TBC1D22A: variants seen among roughly 807,000 people sequenced by gnomAD.
TBC1D22A encodes TBC1 domain family member 22A.
A neutral mutation model predicts 60.2 loss-of-function variants in TBC1D22A; 38 were observed. The observed-to-expected ratio is 0.63, with a 90% CI of 0.49 to 0.83. The LOEUF (loss-of-function observed/expected upper bound fraction) is 0.83, where lower values mean the gene tolerates loss of function less well. TBC1D22A is among the 40% of genes least tolerant of loss of function. The pLI, the probability that TBC1D22A is intolerant of heterozygous loss-of-function variation, is 0.00. For synonymous variants in TBC1D22A, 302 were observed against 281.7 expected (o/e 1.07, Z -0.72); for missense variants, 628 against 701.0 (o/e 0.90, Z 1.18).
At chr22:46,964,728 TAGAG>T (rs923948814) in intron 8 of TBC1D22A, among the ~76,000 whole-genome samples, 7 of 152,170 alleles carry the variant, frequency 4.6e-5, no homozygotes, top group African/African-American at 9.7e-5. Context: ...CTGGATGTAA[TAGAG>T]AGGGAGGAGT....
At chr22:46,936,471 A>G (rs1602553768) in intron 8 of TBC1D22A, among the ~76,000 whole-genome samples, 2 of 152,296 alleles carry the variant, frequency 1.3e-5, no homozygotes, top group South Asian at 4.1e-4. Context: ...TACATAGCAC[A>G]TCTCTTTAAT....
At chr22:46,957,477 A>T (rs1470966324) in intron 8 of TBC1D22A, among the ~76,000 whole-genome samples, 1 of 152,252 alleles carries the variant, frequency 6.6e-6, no homozygotes, top group Admixed American at 6.5e-5. Flanking sequence ...TCGGATGCTT[A>T]TAAGACCAGC....
At chr22:47,153,003 G>A (rs987463820) in intron 12 of TBC1D22A, among the ~76,000 whole-genome samples, 1 of 152,206 alleles carries the variant, frequency 6.6e-6, no homozygotes. Context: ...TATTAAAGGA[G>A]GTCCGAGGCA....
chr22:46,792,371 G>A (rs1257196636), intron 1 of TBC1D22A, 149 bp from the exon 2 acceptor site: 2 of 1,011,740 alleles, frequency 2.0e-6, no homozygotes, highest in African/African-American at 3.2e-5. Flanking sequence ...AGGACCCCGG[G>A]TGGCTGCAGG....
chr22:47,153,925 G>C (rs2067607668), intron 12 of TBC1D22A, among the ~76,000 whole-genome samples: 1 of 152,112 alleles, frequency 6.6e-6, no homozygotes, highest in Non-Finnish European at 1.5e-5. Flanking sequence ...GAGGTCCGGG[G>C]ACACTGGACT....
At chr22:47,167,277 C>A (rs1006834426) in intron 12 of TBC1D22A, among the ~76,000 whole-genome samples, 1 of 152,204 alleles carries the variant, frequency 6.6e-6, no homozygotes, top group African/African-American at 2.4e-5. Context: ...TCATCGTGGG[C>A]ACCAGAAGCC....
intron 4 of TBC1D22A, among the ~76,000 whole-genome samples, chr22:46,804,225 C>T (rs16995735): frequency 7.9e-5 from 12 of 152,190 alleles, no homozygotes; most frequent in Admixed American, 2.6e-4. Flanking sequence ...CCTTTTTGCC[C>T]GTGTGTTCCC....
intron 7 of TBC1D22A, among the ~76,000 whole-genome samples, chr22:46,910,097 A>G (rs947524141): frequency 4.6e-5 from 7 of 152,236 alleles, no homozygotes; most frequent in African/African-American, 1.7e-4. Flanking sequence ...TTCTCTCTAG[A>G]AAGTTGTCAA....
intron 12 of TBC1D22A, among the ~76,000 whole-genome samples, chr22:47,119,813 A>T (rs539387612): frequency 5.3e-5 from 8 of 152,286 alleles, no homozygotes; most frequent in Admixed American, 5.2e-4. Flanking sequence ...GTAATTTATA[A>T]ACAATGGAAA....
At chr22:47,148,335 G>T (rs2067363218) in intron 12 of TBC1D22A, among the ~76,000 whole-genome samples, 14 of 73,190 alleles carry the variant, frequency 1.9e-4, no homozygotes, top group Non-Finnish European at 5.6e-5. Context: ...CCCAAAAGAT[G>T]TAAAAAAAAA....
intron 4 of TBC1D22A, among the ~76,000 whole-genome samples, chr22:46,848,466 C>T (rs936213359): frequency 1.3e-5 from 2 of 152,162 alleles, no homozygotes; most frequent in African/African-American, 4.8e-5. Context: ...GATGCCTCAT[C>T]GAGGCTCTGA....
intron 1 of TBC1D22A, chr22:46,763,241 G>C (rs1339491300): frequency 4.3e-5 from 9 of 208,892 alleles, no homozygotes; most frequent in Admixed American, 3.6e-4. Context: ...TTCTGCAGGG[G>C]GTGTGGTGTT....
intron 8 of TBC1D22A, among the ~76,000 whole-genome samples, chr22:46,966,111 C>T (rs1195262845): frequency 2.6e-5 from 4 of 152,236 alleles, no homozygotes; most frequent in Non-Finnish European, 4.4e-5. Flanking sequence ...ACGCTCCCCA[C>T]AAGCTCTTCC....
At position 47,150,713 on chromosome 22, in the gene TBC1D22A, C is replaced by T. The variant is rs911255864; in HGVS notation, c.1426-22785C>T. On this transcript the variant is annotated intron_variant, in intron 12 of 12. Coordinates refer to ENST00000337137, the MANE Select transcript of TBC1D22A (RefSeq NM_014346.5). ...GCAGCGCTAGCTCAAGGCCAGTACG[C>T]GGTCTCCCCAGCCCCCTTCTGAGCC... 1.2e-4 allele frequency among the ~76,000 whole-genome samples: 18 copies of T among 152,312 alleles called. No individual in the cohort carries two copies. The South Asian group carries it at 1.9e-3, about 16-fold the overall frequency.
intron 8 of TBC1D22A, among the ~76,000 whole-genome samples, chr22:46,946,197 G>C (rs1003404111): frequency 1.3e-5 from 2 of 152,244 alleles, no homozygotes; most frequent in Non-Finnish European, 2.9e-5. Context: ...CACCGTAGGA[G>C]CTGCTGGCCT....
At chr22:47,143,384 A>C (rs2067176789) in intron 12 of TBC1D22A, among the ~76,000 whole-genome samples, 1 of 152,222 alleles carries the variant, frequency 6.6e-6, no homozygotes, top group South Asian at 2.1e-4. Context: ...TCCCAATAGC[A>C]GAGGATTTGC....
intron 10 of TBC1D22A, among the ~76,000 whole-genome samples, chr22:47,031,292 A>G (rs1413801176): frequency 6.6e-6 from 1 of 152,104 alleles, no homozygotes; most frequent in South Asian, 2.1e-4. Context: ...CGAAGGCTGG[A>G]TTGCCTTGTC....
intron 4 of TBC1D22A, among the ~76,000 whole-genome samples, chr22:46,823,868 C>T (rs910203874): frequency 2.6e-5 from 4 of 152,172 alleles, no homozygotes; most frequent in Admixed American, 6.5e-5. Flanking sequence ...TGCACACGCA[C>T]ACCTGACCCC....
At chr22:46,995,354 C>G (rs2075084469) in intron 9 of TBC1D22A, among the ~76,000 whole-genome samples, 1 of 152,194 alleles carries the variant, frequency 6.6e-6, no homozygotes, top group South Asian at 2.1e-4. Flanking sequence ...GGAGAAATCC[C>G]TCAGCAAGCC....
Sources: gnomAD v4.1 joint callset for allele counts (sites outside exome capture counted in the v4.1 genomes callset) on GRCh38, gnomAD v4.1.1 for gene constraint, MANE v1.5 for transcripts, NCBI Gene and HGNC (gene_info 2026-07-23, HGNC 2026-07-21) for gene names.